The following SBF2 variants were observed in gnomAD, a reference collection of about 807,000 sequenced individuals.
SBF2 encodes the protein myotubularin-related protein 13.
SBF2 carries 112 observed loss-of-function variants against 225.2 expected under a neutral mutation model. The observed-to-expected ratio is 0.50, with a 90% CI of 0.43 to 0.58. The LOEUF (loss-of-function observed/expected upper bound fraction) is 0.58. Among genes scored for constraint, SBF2 ranks in the 20% least tolerant of loss-of-function variants. The pLI is 0.00. For synonymous variants in SBF2, 763 were observed against 773.3 expected (o/e 0.99, Z 0.22); for missense variants, 1,996 against 2,206.2 (o/e 0.90, Z 1.91).
intron 2 of SBF2, among the ~76,000 whole-genome samples, chr11:10,161,055 C>A (rs1400698395): frequency 6.6e-6 from 1 of 151,966 alleles, no homozygotes; most frequent in Non-Finnish European, 1.5e-5. Context: ...GGCTTGGTGG[C>A]ACACGCCTGT....
At chr11:10,202,551 C>T (rs568025330) in intron 1 of SBF2, among the ~76,000 whole-genome samples, 69 of 152,232 alleles carry the variant, frequency 4.5e-4, no homozygotes, top group Non-Finnish European at 2.2e-4. Context: ...TTTGGGAGGC[C>T]GAGGCGGGTG....
At chr11:9,812,830 A>G in intron 29 of SBF2, 122 bp from the exon 30 acceptor site, 2 of 938,250 alleles carry the variant, frequency 2.1e-6, no homozygotes, top group Non-Finnish European at 1.7e-6. Flanking sequence ...GAGGCTGCCA[A>G]TGGGTCAAGA....
At chr11:10,033,374 C>T (rs1357756387) in intron 3 of SBF2, among the ~76,000 whole-genome samples, 2 of 152,064 alleles carry the variant, frequency 1.3e-5, no homozygotes, top group African/African-American at 4.8e-5. Flanking sequence ...AAATAGAATG[C>T]ATTGGTCATT....
chr11:10,243,407 A>C (rs1380913763), intron 1 of SBF2, among the ~76,000 whole-genome samples: 3 of 151,920 alleles, frequency 2.0e-5, no homozygotes, highest in African/African-American at 7.2e-5. Context: ...TTATACCTTA[A>C]GGGTCTAGAA....
chr11:10,127,921 C>G (rs1034838028), intron 2 of SBF2, among the ~76,000 whole-genome samples: 10 of 152,170 alleles, frequency 6.6e-5, no homozygotes, highest in African/African-American at 2.4e-4. Flanking sequence ...GTTACTTAAT[C>G]TGAGTCTCTT....
chr11:9,937,489 T>G (rs1864972011), intron 16 of SBF2, among the ~76,000 whole-genome samples: 2 of 152,096 alleles, frequency 1.3e-5, no homozygotes. Context: ...ATAATAAAAA[T>G]TATTTACTAA....
chr11:10,122,488 G>C (rs1190731493), intron 2 of SBF2, among the ~76,000 whole-genome samples: 4 of 152,154 alleles, frequency 2.6e-5, no homozygotes, highest in Non-Finnish European at 4.4e-5. Context: ...TGAATTATGA[G>C]ACTTTTCCAA....
At chr11:10,130,600 G>A (rs1405589796) in intron 2 of SBF2, among the ~76,000 whole-genome samples, 1 of 151,546 alleles carries the variant, frequency 6.6e-6, no homozygotes, top group African/African-American at 2.4e-5. Flanking sequence ...TTTATCACAT[G>A]CATAGATCTG....
At chr11:9,889,299 T>C (rs1389169381) in intron 17 of SBF2, among the ~76,000 whole-genome samples, 3 of 152,232 alleles carry the variant, frequency 2.0e-5, no homozygotes, top group African/African-American at 7.2e-5. Context: ...AGATTACTTT[T>C]TCCAGGTAGA....
chr11:9,808,749 G>C lies in SBF2; in HGVS notation c.4257+152C>G, dbSNP rs1402144216. 6 of 620,116 alleles carry C rather than the reference G, an allele frequency of 9.7e-6. No individual in the cohort carries two copies. The Admixed American group carries it at 1.6e-4, about 16-fold the overall frequency. The allele number at this position is 620,116 out of a possible 1,614,324, so 38.4% of individuals were successfully genotyped here. On this transcript the variant is annotated intron_variant, in intron 31 of 39. Transcript: ENST00000256190. ...AGGGGCTAAGAGCTCATGGTACGGA[G>C]TTTTCTGATGGATACCAGGTGCTGT... is the stretch of plus-strand genomic sequence containing the variant.
chr11:10,035,549 G>A (rs941812967), intron 3 of SBF2, among the ~76,000 whole-genome samples: 4 of 151,868 alleles, frequency 2.6e-5, no homozygotes, highest in East Asian at 1.9e-4. Flanking sequence ...ATCTACAAAG[G>A]ACTTAAACAA....
At position 9,967,967 on chromosome 11, in the gene SBF2, CTCTCTA is replaced by C. The variant is rs1434197643; in HGVS notation, c.1600+368_1600+373del. On this transcript the variant is annotated intron_variant, in intron 14 of 39. Coordinates refer to ENST00000256190, the MANE Select transcript of SBF2 (RefSeq NM_030962.4). ...TGTCTGTCTCTCTCTCTCTCTCTCT[CTCTCTA>C]TATATATATATATATATAAAATATA... is the stretch of plus-strand genomic sequence containing the variant. 2.6e-4 allele frequency among the ~76,000 whole-genome samples: 24 copies of C among 90,692 alleles called. No homozygotes were observed. In the East Asian group the frequency reaches 4.0e-3, roughly 15 times the overall value. 59.5% of individuals were successfully genotyped at this position (90,692 alleles called of 152,430 possible). A position where few individuals can be genotyped will look rare whatever the true frequency, so the allele number is the denominator to read the frequency against.
rs1224025947 is a variant in SBF2 at position 9,780,469 on chromosome 11, C to G, written c.5499G>C (p.Gln1833His). The change falls in exon 40 of 40, where the codon CAG (glutamine) becomes CAC (histidine). Residue 1833 changes from glutamine to histidine, a missense_variant. By Grantham distance (24) the Gln-to-His change is conservative (BLOSUM62 0). Coordinates refer to ENST00000256190, the MANE Select transcript of SBF2 (RefSeq NM_030962.4). ...RVYNFCAQDGQSAQQWMDKIQ... is the reference protein window; with the variant it reads ...RVYNFCAQDGHSAQQWMDKIQ... ...TCTTGTCCATCCATTGCTGGGCACT[C>G]TGTCCATCCTGGGCGCAGAAGTTAT... The G allele has an allele frequency of 1.2e-6, 2 of 1,614,158 alleles. No homozygotes were observed. The highest frequency in any genetic ancestry group is 4.5e-5 in the East Asian group (2 of 44,884).
intron 16 of SBF2, among the ~76,000 whole-genome samples, chr11:9,909,085 G>A (rs1409591175): frequency 6.6e-6 from 1 of 151,962 alleles, no homozygotes; most frequent in Non-Finnish European, 1.5e-5. Flanking sequence ...CATAATAGAT[G>A]TTCAGTGAAT....
chr11:10,010,447 T>C (rs914008223), intron 6 of SBF2, among the ~76,000 whole-genome samples: 3 of 152,216 alleles, frequency 2.0e-5, no homozygotes, highest in Non-Finnish European at 4.4e-5. Flanking sequence ...GTTTCAGTTT[T>C]TTGCATATGG....
intron 1 of SBF2, among the ~76,000 whole-genome samples, chr11:10,286,996 A>G (rs1963840226): frequency 6.6e-6 from 1 of 152,258 alleles, no homozygotes; most frequent in Admixed American, 6.5e-5. Context: ...GCCCAAAACT[A>G]GAAATTCAAG....
rs61240594 is a variant in SBF2 at position 9,886,699 on chromosome 11, G to GTTTTTTTTTTT, written c.1929+9243_1929+9244insAAAAAAAAAAA. 8.1e-4 allele frequency among the ~76,000 whole-genome samples: 108 copies of GTTTTTTTTTTT among 133,738 alleles called. 3 individuals carry two copies. The highest frequency in any genetic ancestry group is 3.0e-3 in the Admixed American group (39 of 13,082). 87.7% of individuals were successfully genotyped at this position (133,738 alleles called of 152,430 possible). On this transcript the variant is annotated intron_variant, in intron 17 of 39. Coordinates refer to ENST00000256190, the MANE Select transcript of SBF2 (RefSeq NM_030962.4). ...ACAATTCCCAGTAAGTGATTCATGT[G>GTTTTTTTTTTT]TTTTTTTTTTGCCTATAATATTTAT...
intron 32 of SBF2, among the ~76,000 whole-genome samples, chr11:9,799,197 A>G (rs576440810): frequency 6.6e-6 from 1 of 152,326 alleles, no homozygotes; most frequent in Admixed American, 6.5e-5. Flanking sequence ...TCATGTGCTC[A>G]GATTAAAAGT....
At chr11:9,811,532 C>T (rs1854183653) in intron 30 of SBF2, among the ~76,000 whole-genome samples, 1 of 152,100 alleles carries the variant, frequency 6.6e-6, no homozygotes, top group African/African-American at 2.4e-5. Flanking sequence ...GGAGCTGGGG[C>T]TCATAGCCTG....
Sources: allele counts gnomAD v4.1 joint callset (sites outside exome capture counted in the v4.1 genomes callset), GRCh38; gene constraint gnomAD v4.1.1; transcripts MANE v1.5; gene names NCBI Gene and HGNC (gene_info 2026-07-23, HGNC 2026-07-21).